Variants in UNC45A observed in about 807,000 individuals in gnomAD.
UNC45A encodes protein unc-45 homolog A.
UNC45A carries 78 observed loss-of-function variants against 103.2 expected under a neutral mutation model. The ratio of observed to expected loss-of-function variants is 0.76; its 90% CI spans 0.63 to 0.91. The LOEUF (loss-of-function observed/expected upper bound fraction) is 0.91. UNC45A is among the 40% of genes least tolerant of loss of function. UNC45A has a pLI of 0.00. For synonymous variants in UNC45A, 495 were observed against 504.6 expected (o/e 0.98, Z 0.25); for missense variants, 1,193 against 1,224.8 (o/e 0.97, Z 0.39).
At chr15:90,949,593 G>C (rs928384139) in intron 14 of UNC45A, 61 bp from the exon 15 acceptor site, 1 of 1,610,030 alleles carries the variant, frequency 6.2e-7, no homozygotes, top group African/African-American at 1.3e-5. Flanking sequence ...GAGCCTAGGA[G>C]TGCAGCGTCT....
rs187529338 is a variant in UNC45A at position 90,944,958 on chromosome 15, C to A, written c.1094C>A (p.Ala365Glu). 30 of 1,612,710 alleles carry A rather than the reference C, an allele frequency of 1.9e-5. No homozygotes were observed. The highest frequency in any genetic ancestry group is 2.5e-5 in the Non-Finnish European group (29 of 1,180,038). Reference protein sequence around the residue: ...QDPPGELAVTANSRMSASILL... With the variant: ...QDPPGELAVTENSRMSASILL... ...CCTCCTGGGGAGCTCGCAGTGACCG[C>A]AAACAGCCGCATGAGCGCCTCTATT... Residue 365 changes from alanine to glutamate, a missense_variant, in exon 9 of 20, where the codon GCA becomes GAA. Ala to Glu is a moderately radical substitution (Grantham distance 107). Transcript: ENST00000418476.
At chr15:90,948,421 AG>A in intron 12 of UNC45A, 138 bp downstream of exon 12, 1 of 1,371,504 alleles carries the variant, frequency 7.3e-7, no homozygotes, top group Non-Finnish European at 9.9e-7. Context: ...TGCTCTGTGT[AG>A]TGTGGGCATG....
upstream of UNC45A, chr15:90,932,446 T>C (rs1372631798): frequency 1.5e-6 from 2 of 1,359,998 alleles, no homozygotes; most frequent in South Asian, 3.8e-5. Flanking sequence ...GTGGTTGATG[T>C]AGGGGGTCCC....
chr15:90,932,265 G>A, upstream of UNC45A: 1 of 893,678 alleles, frequency 1.1e-6, no homozygotes, highest in East Asian at 2.7e-5. Flanking sequence ...ACCGACAAAG[G>A]GAACGATCAT....
At chr15:90,943,148 A>C in intron 8 of UNC45A, 66 bp downstream of exon 8, 13 of 1,524,194 alleles carry the variant, frequency 8.5e-6, no homozygotes, top group Non-Finnish European at 9.7e-6. Flanking sequence ...AGGAGTAATA[A>C]GAAAAGTTGT....
chr15:90,937,058 A>G (rs1048307815), intron 4 of UNC45A, among the ~76,000 whole-genome samples: 1 of 152,234 alleles, frequency 6.6e-6, no homozygotes, highest in African/African-American at 2.4e-5. Context: ...TGAACAAAGC[A>G]AAATAGGCAG....
rs1186118573 is a variant in UNC45A, at chr15:90,950,191, G to C, written c.2111G>C (p.Gly704Ala). The C allele has an allele frequency of 1.3e-6, 2 of 1,551,670 alleles. No individual in the cohort carries two copies. Among genetic ancestry groups the C allele is most frequent in the East Asian group, 4.9e-5 (2 of 40,908 alleles). Residue 704 changes from glycine (G) to alanine (A), a missense_variant, in exon 16 of 20, where the codon GGG becomes GCG. Physicochemically the swap from Gly to Ala is moderately conservative, Grantham distance 60. Transcript: ENST00000418476. ...IPLALEGTDV[G>A]QTKAAQALAK... ...CTGGCCCTGGAAGGCACGGACGTGG[G>C]GCAGACAAAGGCAGCCCAGGCCCTT...
rs1321771681 is a variant in UNC45A, at chr15:90,947,809, T to G, written c.1514T>G (p.Leu505Arg). ...CTCTTCCTCCAGGGACTCTGTAAGCTCGGTTCGGCTGGAGGGACTGACTTC... is the reference window on the plus strand; with the variant it reads ...CTCTTCCTCCAGGGACTCTGTAAGCGCGGTTCGGCTGGAGGGACTGACTTC... Reference protein sequence around the residue: ...RIRALVGLCKLGSAGGTDFSM... With the variant: ...RIRALVGLCKRGSAGGTDFSM... Residue 505 changes from leucine (L) to arginine (R), a missense_variant, in exon 11 of 20, where the codon CTC becomes CGC. Coordinates refer to ENST00000418476, the MANE Select transcript of UNC45A (RefSeq NM_018671.5). 1 of 1,614,074 alleles carries G rather than the reference T, an allele frequency of 6.2e-7. No homozygotes were observed. The highest frequency in any genetic ancestry group is 2.2e-5 in the East Asian group (1 of 44,884).
chr15:90,939,876 C>T (rs1456244755), intron 5 of UNC45A, 53 bp downstream of exon 5: 2 of 1,453,418 alleles, frequency 1.4e-6, no homozygotes, highest in Non-Finnish European at 1.8e-6. Context: ...GCCACCCATC[C>T]ATAGGCCCCC....
At chr15:90,952,839 C>G in intron 17 of UNC45A, 90 bp from the exon 18 acceptor site, 1 of 1,267,510 alleles carries the variant, frequency 7.9e-7, no homozygotes, top group African/African-American at 1.5e-5. Context: ...CAGGCCCTAC[C>G]TCCAACATTG....
upstream of UNC45A, chr15:90,932,520 C>G: frequency 7.7e-7 from 1 of 1,296,056 alleles, no homozygotes; most frequent in African/African-American, 1.5e-5. Flanking sequence ...CCTCCAGCAG[C>G]TGCGCCGCCT....
rs189988231 is a variant in UNC45A at position 90,940,570 on chromosome 15, C to T, written c.687+97C>T. ...CCATCTGTCCATCCGCCCATCTGCC[C>T]GTCCATCCATCCATCCACTCTTCCA... On this transcript the variant is annotated intron_variant, in intron 6 of 19. Transcript: ENST00000418476. 1,049 of 1,460,136 alleles carry T rather than the reference C, an allele frequency of 7.2e-4. 7 individuals are homozygous for T. The Middle Eastern group carries it at 0.013, about 18-fold the overall frequency. 90.4% of individuals were successfully genotyped at this position (1,460,136 alleles called of 1,614,324 possible).
intron 1 of UNC45A, 74 bp downstream of exon 1, chr15:90,935,449 A>G: frequency 6.4e-7 from 1 of 1,574,572 alleles, no homozygotes; most frequent in Non-Finnish European, 8.6e-7. Context: ...CTCCCCATCC[A>G]TGAGGCTCGC....
Position 90,935,345 on chromosome 15 carries a change from G to C in UNC45A, c.21G>C (p.Gly7=). The C allele has an allele frequency of 6.2e-7, 1 of 1,604,448 alleles. No individual in the cohort carries two copies. Among genetic ancestry groups the C allele is most frequent in the Non-Finnish European group, 8.5e-7 (1 of 1,176,786 alleles). The change falls in exon 1 of 20, where the codon GGG becomes GGC. Residue 7 remains glycine, a synonymous_variant. Transcript: ENST00000418476. The part of the protein sequence containing the change: MTVSGP[G]TPEPRPATPG... ...CCGCGATGACTGTGAGTGGTCCAGG[G>C]ACCCCCGAGCCCCGGCCGGCCACCC...
chr15:90,948,538 TC>T, intron 12 of UNC45A, 115 bp from the exon 13 acceptor site: 5 of 1,492,746 alleles, frequency 3.3e-6, no homozygotes, highest in Non-Finnish European at 4.5e-6. Context: ...CCCGAATTCA[TC>T]CTGTACCCAA....
chr15:90,949,479 C>G, intron 14 of UNC45A, 36 bp downstream of exon 14: 5 of 1,610,526 alleles, frequency 3.1e-6, no homozygotes, highest in Non-Finnish European at 4.2e-6. Context: ...CCTTTCCCAA[C>G]TCCTGAGCCT....
upstream of UNC45A, chr15:90,931,862 C>A (rs1219033640): frequency 6.2e-7 from 1 of 1,614,134 alleles, no homozygotes; most frequent in South Asian, 1.1e-5. Context: ...CTCCACCAGG[C>A]GCCGCACTTG....
intron 17 of UNC45A, chr15:90,952,100 T>C (rs1212731043): frequency 6.6e-6 from 1 of 152,270 alleles, no homozygotes; most frequent in African/African-American, 2.4e-5. Flanking sequence ...TCCTTGGACA[T>C]TGCCAAGGGA....
At chr15:90,931,818 C>G, upstream of UNC45A, 1 of 1,614,138 alleles carries the variant, frequency 6.2e-7, no homozygotes, top group Non-Finnish European at 8.5e-7. Flanking sequence ...CTCTTTCTCT[C>G]CAGCTTGGGC....
Sources: gnomAD v4.1 joint callset for allele counts (sites outside exome capture counted in the v4.1 genomes callset) on GRCh38, gnomAD v4.1.1 for gene constraint, MANE v1.5 for transcripts, NCBI Gene and HGNC (gene_info 2026-07-23, HGNC 2026-07-21) for gene names.